Variants in LRP1B observed in about 807,000 individuals in gnomAD.
LRP1B encodes low-density lipoprotein receptor-related protein 1B.
In LRP1B, 217 loss-of-function variants were observed where a neutral mutation model predicts 556.6. The observed-to-expected ratio is 0.39, with a 90% CI of 0.35 to 0.44. The LOEUF is 0.44. LRP1B is among the 20% of genes least tolerant of loss of function. The probability of loss-of-function intolerance (pLI) is 1.00; values close to 1 mark genes in which losing one functional copy is unlikely to be tolerated. For synonymous variants in LRP1B, 2,047 were observed against 1,865.8 expected (o/e 1.10, Z -2.50); for missense variants, 5,053 against 5,620.8 (o/e 0.90, Z 3.23).
intron 43 of LRP1B, among the ~76,000 whole-genome samples, chr2:140,575,389 G>A (rs1472857355): frequency 1.3e-5 from 2 of 152,072 alleles, no homozygotes; most frequent in African/African-American, 4.8e-5. Context: ...AATCCATATA[G>A]ACATAATTAA....
intron 3 of LRP1B, among the ~76,000 whole-genome samples, chr2:141,452,307 A>G (rs780162175): frequency 5.7e-4 from 86 of 152,212 alleles, no homozygotes; most frequent in Non-Finnish European, 2.6e-4. Context: ...AAGTCTTGCT[A>G]TAAATAATGT....
intron 41 of LRP1B, among the ~76,000 whole-genome samples, chr2:140,614,299 C>T (rs1447219960): frequency 5.3e-5 from 8 of 152,012 alleles, no homozygotes; most frequent in East Asian, 1.9e-4. Context: ...TATCCTAATG[C>T]TATATCCTTC....
At chr2:140,779,631 G>A (rs1309988161) in intron 32 of LRP1B, among the ~76,000 whole-genome samples, 1 of 147,864 alleles carries the variant, frequency 6.8e-6, no homozygotes, top group Non-Finnish European at 1.5e-5. Context: ...GGAGTCAGAG[G>A]TTGCAGTGAG....
chr2:141,462,163 C>T lies in LRP1B; in HGVS notation c.343+18233G>A, dbSNP rs563012380. Among the ~76,000 whole-genome samples, 13 of 152,230 alleles carry T rather than the reference C, an allele frequency of 8.5e-5. No homozygotes were observed. The South Asian group carries it at 1.9e-3, about 22-fold the overall frequency. On this transcript the variant is annotated intron_variant, in intron 3 of 90. Transcript: ENST00000389484. The stretch of plus-strand genomic sequence containing the variant: ...TCTTTTATTTGCTGGATCATCCATC[C>T]ATATATATTTCATTTGTAGTTCCTT...
At chr2:140,921,609 C>A (rs1694738525) in intron 21 of LRP1B, among the ~76,000 whole-genome samples, 1 of 151,876 alleles carries the variant, frequency 6.6e-6, no homozygotes, top group South Asian at 2.1e-4. Context: ...AACTTAAAAT[C>A]ACATTTTTCT....
rs1366701751 is a variant in LRP1B at position 140,845,815 on chromosome 2, T to C, written c.4939+4287A>G. ...TTCAACTAGTGAACTACAAAACAAATTGAAAGAAGTTAACAGAGTTAGCAC... is the reference window on the plus strand; with the variant it reads ...TTCAACTAGTGAACTACAAAACAAACTGAAAGAAGTTAACAGAGTTAGCAC... On this transcript the variant is annotated intron_variant, in intron 29 of 90. Transcript: ENST00000389484. Among the ~76,000 whole-genome samples, 6 of 152,060 alleles carry C rather than the reference T, an allele frequency of 3.9e-5. No individual in the cohort carries two copies. The East Asian group carries it at 1.2e-3, about 29-fold the overall frequency.
intron 2 of LRP1B, among the ~76,000 whole-genome samples, chr2:141,599,187 C>G (rs1687644115): frequency 6.6e-6 from 1 of 150,586 alleles, no homozygotes; most frequent in African/African-American, 2.4e-5. Flanking sequence ...AGTCATATCA[C>G]TTTTGTTCAT....
intron 25 of LRP1B, among the ~76,000 whole-genome samples, chr2:140,874,738 G>A (rs1693250439): frequency 6.6e-6 from 1 of 151,958 alleles, no homozygotes; most frequent in Non-Finnish European, 1.5e-5. Flanking sequence ...AGGACACCAG[G>A]CTGGGCGTGG....
chr2:140,867,893 A>G (rs1693000129), intron 26 of LRP1B, 59 bp from the exon 27 acceptor site: 2 of 1,453,214 alleles, frequency 1.4e-6, no homozygotes, highest in Non-Finnish European at 1.8e-6. Context: ...GTCCAGAGAC[A>G]TAATCATGTA....
chr2:141,681,160 G>A (rs1691087313), intron 2 of LRP1B, among the ~76,000 whole-genome samples: 1 of 152,068 alleles, frequency 6.6e-6, no homozygotes, highest in African/African-American at 2.4e-5. Flanking sequence ...AGGTGTGGTG[G>A]CATTCGCCTA....
At chr2:140,573,590 C>G (rs1168985019) in intron 43 of LRP1B, among the ~76,000 whole-genome samples, 2 of 151,752 alleles carry the variant, frequency 1.3e-5, no homozygotes, top group African/African-American at 4.8e-5. Context: ...CCAACTTGAC[C>G]ATTTGGGATT....
chr2:140,808,050 C>A (rs1690786454), intron 32 of LRP1B, among the ~76,000 whole-genome samples: 1 of 152,112 alleles, frequency 6.6e-6, no homozygotes, highest in African/African-American at 2.4e-5. Flanking sequence ...CAAGATTACG[C>A]CACTGCATTC....
At position 141,587,873 on chromosome 2, in the gene LRP1B, C is replaced by T. The variant is rs138495751; in HGVS notation, c.206-107340G>A. On this transcript the variant is annotated intron_variant, in intron 2 of 90. Transcript: ENST00000389484. ...CACTAACATTACTATTATAAACTAG[C>T]CAACCAATAGTATTCGATAAGAAAA... 3.9e-3 allele frequency among the ~76,000 whole-genome samples: 601 copies of T among 152,202 alleles called. 3 individuals are homozygous for T. The highest frequency in any genetic ancestry group is 0.014 in the African/African-American group (579 of 41,528).
chr2:141,543,353 C>T (rs142429269), intron 2 of LRP1B, among the ~76,000 whole-genome samples: 2 of 140,834 alleles, frequency 1.4e-5, no homozygotes, highest in East Asian at 4.1e-4. Flanking sequence ...ACAAAAAATA[C>T]AAAAAAAAAA....
chr2:141,351,606 C>T (rs1374885486), intron 3 of LRP1B, among the ~76,000 whole-genome samples: 1 of 151,948 alleles, frequency 6.6e-6, no homozygotes, highest in South Asian at 2.1e-4. Flanking sequence ...TATAATAAGG[C>T]CCACTATGTA....
In LRP1B at chr2:141,570,085, G is replaced by A. The variant is rs78850077; in HGVS notation, c.206-89552C>T. Among the ~76,000 whole-genome samples the A allele has an allele frequency of 6.9e-3, 1,040 of 151,048 alleles. 23 individuals carry two copies. The highest frequency in any genetic ancestry group is 0.024 in the African/African-American group (977 of 41,428). On this transcript the variant is annotated intron_variant, in intron 2 of 90. Coordinates refer to ENST00000389484, the MANE Select transcript of LRP1B (RefSeq NM_018557.3). Reference sequence around the variant, plus strand: ...CTGTCTCTAGAAAATATTTAAGGGGGTGGGGCCGAGATGACTGACTAGAAG... The same window carrying A: ...CTGTCTCTAGAAAATATTTAAGGGGATGGGGCCGAGATGACTGACTAGAAG...
In LRP1B at chr2:141,791,898, T is replaced by C. The variant is rs1348471894; in HGVS notation, c.205+18381A>G. ...GCTAGTCAGTAGATCATGGCTAAGG[T>C]AGCACATTCCTGATTTCCAGTGCTT... On this transcript the variant is annotated intron_variant, in intron 2 of 90. Transcript: ENST00000389484. Among the ~76,000 whole-genome samples the C allele has an allele frequency of 5.3e-5, 8 of 152,048 alleles. No homozygotes were observed. The Admixed American group carries it at 5.3e-4, about 10-fold the overall frequency.
chr2:140,518,982 C>T (rs1453311476), intron 49 of LRP1B, among the ~76,000 whole-genome samples: 1 of 152,094 alleles, frequency 6.6e-6, no homozygotes. Context: ...AATGGAAGAA[C>T]AGTCCATGCT....
At chr2:140,755,081 T>A (rs1258166713) in intron 35 of LRP1B, among the ~76,000 whole-genome samples, 2 of 151,762 alleles carry the variant, frequency 1.3e-5, no homozygotes, top group Non-Finnish European at 2.9e-5. Flanking sequence ...TTAGATAAAA[T>A]GTACAAATTT....
Sources: gnomAD v4.1 joint callset for allele counts (sites outside exome capture counted in the v4.1 genomes callset) on GRCh38, gnomAD v4.1.1 for gene constraint, MANE v1.5 for transcripts, NCBI Gene and HGNC (gene_info 2026-07-23, HGNC 2026-07-21) for gene names.